CDC27: variants seen among roughly 807,000 people sequenced by gnomAD.
CDC27 encodes the protein cell division cycle protein 27 homolog.
Under a neutral mutation model 109.7 loss-of-function variants are expected in CDC27, and 27 were observed. The ratio of observed to expected loss-of-function variants is 0.25; its 90% confidence interval spans 0.18 to 0.34. CDC27 has a LOEUF of 0.34. CDC27 is among the 10% of genes least tolerant of loss of function. The pLI is 1.00. For synonymous variants in CDC27, 266 were observed against 333.9 expected, an observed-to-expected ratio of 0.80 and a Z score of 2.22; for missense variants, 579 against 960.2, an observed-to-expected ratio of 0.60 and a Z score of 5.25.
At chr17:47,166,345 T>G (rs2063646213) in intron 4 of CDC27, among the ~76,000 whole-genome samples, 1 of 152,202 alleles carries the variant, frequency 6.6e-6, no homozygotes, top group African/African-American at 2.4e-5. Context: ...TAGTGTGGCT[T>G]ATTAAGAAAT....
At position 47,188,804 on chromosome 17, in the gene CDC27, G is replaced by C. The variant is rs139771107; in HGVS notation, c.27+342C>G. On this transcript the variant is annotated intron_variant, in intron 1 of 18. Coordinates refer to ENST00000066544, the MANE Select transcript of CDC27 (RefSeq NM_001256.6). ...TGCTTCTCGATCATCTTTTAGGCAA[G>C]AGAGCGCTTGGGGTGCATTTTCGGC... The C allele has an allele frequency of 1.6e-4, 189 of 1,202,976 alleles. No homozygotes were observed. In the African/African-American group the frequency reaches 2.6e-3, roughly 16 times the overall value. The allele number at this position is 1,202,976 out of a possible 1,614,324, so 74.5% of individuals were successfully genotyped here.
At chr17:47,122,917 C>T (rs1362117322) in intron 17 of CDC27, among the ~76,000 whole-genome samples, 3 of 152,092 alleles carry the variant, frequency 2.0e-5, no homozygotes, top group African/African-American at 7.2e-5. Flanking sequence ...AGATGATCCA[C>T]CTGCCTCCCA....
chr17:47,147,960 G>A (rs1417776720), intron 9 of CDC27, among the ~76,000 whole-genome samples: 7 of 149,746 alleles, frequency 4.7e-5, no homozygotes, highest in South Asian at 2.1e-4. Flanking sequence ...CAGCACTTTC[G>A]GAGGCCAAGG....
At chr17:47,186,547 A>C (rs1304530389) in intron 1 of CDC27, among the ~76,000 whole-genome samples, 1 of 152,212 alleles carries the variant, frequency 6.6e-6, no homozygotes, top group East Asian at 1.9e-4. Flanking sequence ...AATATTCAAA[A>C]AGCTCTCACT....
chr17:47,135,470 A>G (rs2062551664), intron 14 of CDC27, among the ~76,000 whole-genome samples: 1 of 152,148 alleles, frequency 6.6e-6, no homozygotes, highest in South Asian at 2.1e-4. Context: ...CATCAAATGA[A>G]TAAGAAAAAA....
At chr17:47,177,216 T>C (rs947031230) in intron 2 of CDC27, among the ~76,000 whole-genome samples, 1 of 152,076 alleles carries the variant, frequency 6.6e-6, no homozygotes, top group Non-Finnish European at 1.5e-5. Flanking sequence ...AGCCCAAGTG[T>C]TTGAGGCCAG....
chr17:47,125,838 G>A (rs1288593474), intron 16 of CDC27, among the ~76,000 whole-genome samples: 1 of 152,090 alleles, frequency 6.6e-6, no homozygotes, highest in Non-Finnish European at 1.5e-5. Context: ...TGCTGCGCCT[G>A]GCCTTTAAAG....
At chr17:47,137,456 A>G in intron 13 of CDC27, 96 bp from the exon 14 acceptor site, 3 of 632,410 alleles carry the variant, frequency 4.7e-6, no homozygotes, top group Non-Finnish European at 7.5e-6. Flanking sequence ...TTAGAACAGA[A>G]AGACAAAAAT....
intron 9 of CDC27, among the ~76,000 whole-genome samples, chr17:47,149,644 G>A (rs1393603067): frequency 1.3e-5 from 2 of 151,718 alleles, no homozygotes; most frequent in East Asian, 3.9e-4. Context: ...ATATAAAATA[G>A]ACTTCTTTTT....
In CDC27 at chr17:47,133,054, C is replaced by CAT. The variant is rs1555783930; in HGVS notation, c.1914-682_1914-681dup. On this transcript the variant is annotated intron_variant, in intron 14 of 18. Transcript: ENST00000066544. ...ACACACACACACACACACACACACA[C>CAT]ATACATATACACACACACACACACA... 7.3e-5 allele frequency among the ~76,000 whole-genome samples: 4 copies of CAT among 55,088 alleles called. No homozygotes were observed. In the East Asian group the frequency reaches 2.0e-3, roughly 28 times the overall value. 36.1% of individuals were successfully genotyped at this position (55,088 alleles called of 152,430 possible).
At chr17:47,166,144 A>G (rs371698926) in intron 4 of CDC27, among the ~76,000 whole-genome samples, 19 of 152,132 alleles carry the variant, frequency 1.2e-4, no homozygotes, top group African/African-American at 4.3e-4. Flanking sequence ...AGTGGCCTAT[A>G]GTTTTCCTTT....
At chr17:47,141,250 CTTTTTT>C (rs1239034310) in intron 12 of CDC27, among the ~76,000 whole-genome samples, 1 of 151,958 alleles carries the variant, frequency 6.6e-6, no homozygotes, top group Non-Finnish European at 1.5e-5. Flanking sequence ...TAAAAGGTTT[CTTTTTT>C]TAAGTTGGGG....
chr17:47,161,858 T>C (rs1332607119), intron 4 of CDC27: 1 of 152,052 alleles, frequency 6.6e-6, no homozygotes, highest in Admixed American at 6.6e-5. Context: ...TTTCTTCTTG[T>C]AGTTCCTAAG....
chr17:47,168,562 G>A (rs537224804), intron 4 of CDC27, among the ~76,000 whole-genome samples: 2 of 151,924 alleles, frequency 1.3e-5, no homozygotes, highest in Non-Finnish European at 2.9e-5. Context: ...TTATATTCAA[G>A]CCAAGTGTGT....
chr17:47,172,399 T>C (rs530737560), intron 2 of CDC27, among the ~76,000 whole-genome samples: 1 of 152,224 alleles, frequency 6.6e-6, no homozygotes, highest in South Asian at 2.1e-4. Flanking sequence ...TGTTTTTAGG[T>C]AATATTTTTC....
At chr17:47,188,536 C>G (rs528295860) in intron 1 of CDC27, among the ~76,000 whole-genome samples, 20 of 152,168 alleles carry the variant, frequency 1.3e-4, no homozygotes, top group African/African-American at 4.1e-4. Context: ...TCCACCTCCT[C>G]CCCTGGTATT....
chr17:47,123,402 CTT>C (rs57868315), intron 17 of CDC27, among the ~76,000 whole-genome samples: 40,762 of 123,032 alleles, frequency 0.33, 5,453 homozygotes, highest in Non-Finnish European at 0.37. Context: ...TTTTTTTCTA[CTT>C]TTTTTTTTTT....
chr17:47,128,306 C>T (rs1190033204), intron 16 of CDC27, among the ~76,000 whole-genome samples: 6 of 152,192 alleles, frequency 3.9e-5, no homozygotes, highest in African/African-American at 9.7e-5. Context: ...GCTGGGATTA[C>T]AGGTGTGAGC....
At chr17:47,184,765 T>C (rs1431298692) in intron 1 of CDC27, among the ~76,000 whole-genome samples, 1 of 152,162 alleles carries the variant, frequency 6.6e-6, no homozygotes, top group Non-Finnish European at 1.5e-5. Flanking sequence ...TGTGCCGGGA[T>C]TGGGGGGAAG....
Sources: allele counts gnomAD v4.1 joint callset (sites outside exome capture counted in the v4.1 genomes callset), GRCh38; gene constraint gnomAD v4.1.1; transcripts MANE v1.5; gene names NCBI Gene and HGNC (gene_info 2026-07-23, HGNC 2026-07-21).